The following ANGPT1 variants were observed in gnomAD, a reference collection of about 807,000 sequenced individuals.
The protein encoded by ANGPT1 is angiopoietin 1, also known as angiopoietin-1.
ANGPT1 carries 17 observed loss-of-function variants against 62.2 expected under a neutral mutation model. The observed-to-expected ratio is 0.27, with a 90% CI of 0.19 to 0.41. ANGPT1 has a LOEUF of 0.41. Among genes scored for constraint, ANGPT1 ranks in the 10% least tolerant of loss-of-function variants. The pLI, the probability that ANGPT1 is intolerant of heterozygous loss-of-function variation, is 1.00. For missense variants in ANGPT1, 478 were observed against 594.9 expected (o/e 0.80, Z 2.04); for synonymous variants, 199 against 198.9 (o/e 1.00, Z 0.00).
chr8:107,261,108 A>G (rs55905195), intron 8 of ANGPT1, among the ~76,000 whole-genome samples: 36,355 of 152,104 alleles, frequency 0.24, 4,658 homozygotes, highest in East Asian at 0.32. Flanking sequence ...AGACATGGAG[A>G]AAATAAAGCA....
intron 1 of ANGPT1, among the ~76,000 whole-genome samples, chr8:107,469,338 T>C (rs142941774): frequency 1.8e-3 from 281 of 152,196 alleles, no homozygotes; most frequent in African/African-American, 6.4e-3. Context: ...TTGATTGATA[T>C]TCAGTTCCTC....
chr8:107,411,518 C>G (rs1205876210), intron 1 of ANGPT1, among the ~76,000 whole-genome samples: 1 of 152,002 alleles, frequency 6.6e-6, no homozygotes, highest in Non-Finnish European at 1.5e-5. Context: ...AGATAAAAGA[C>G]TATGTAAAAA....
At chr8:107,346,019 A>T (rs1298394763) in intron 2 of ANGPT1, among the ~76,000 whole-genome samples, 1 of 152,184 alleles carries the variant, frequency 6.6e-6, no homozygotes, top group Non-Finnish European at 1.5e-5. Flanking sequence ...TAGCTAAAAG[A>T]TCTATCTATC....
rs532372475 is a variant in ANGPT1 at position 107,377,973 on chromosome 8, A to C, written c.298-30876T>G. On this transcript the variant is annotated intron_variant, in intron 1 of 8. Coordinates refer to ENST00000517746, the MANE Select transcript of ANGPT1 (RefSeq NM_001146.5). ...AATTGACTCCATTGCACTGGCATAC[A>C]CTGCAGCTTAAGATATCCAAATGAC... Among the ~76,000 whole-genome samples the C allele has an allele frequency of 7.2e-5, 11 of 152,334 alleles. No homozygotes were observed. In the South Asian group the frequency reaches 2.1e-3, roughly 29 times the overall value.
At chr8:107,377,806 G>A (rs192465397) in intron 1 of ANGPT1, among the ~76,000 whole-genome samples, 5 of 152,176 alleles carry the variant, frequency 3.3e-5, no homozygotes, top group Admixed American at 2.0e-4. Flanking sequence ...TGTCAAGAAC[G>A]TAAAAACAGA....
chr8:107,409,458 A>C (rs2130351689), intron 1 of ANGPT1, among the ~76,000 whole-genome samples: 1 of 152,266 alleles, frequency 6.6e-6, no homozygotes, highest in African/African-American at 2.4e-5. Flanking sequence ...CACAGTCCCC[A>C]GGACCCAGGC....
intron 1 of ANGPT1, among the ~76,000 whole-genome samples, chr8:107,458,258 T>C (rs1351825428): frequency 6.6e-6 from 1 of 152,204 alleles, no homozygotes; most frequent in Non-Finnish European, 1.5e-5. Flanking sequence ...ACAATGAGTT[T>C]ATTTATCTTT....
At chr8:107,299,482 A>T (rs1185658105) in intron 5 of ANGPT1, among the ~76,000 whole-genome samples, 1 of 143,632 alleles carries the variant, frequency 7.0e-6, no homozygotes, top group Non-Finnish European at 1.5e-5. Context: ...TACTAAGCAT[A>T]TATATACTAA....
intron 1 of ANGPT1, among the ~76,000 whole-genome samples, chr8:107,378,101 C>G (rs1268028897): frequency 6.6e-6 from 1 of 152,136 alleles, no homozygotes; most frequent in East Asian, 1.9e-4. Flanking sequence ...CTTTTCCATA[C>G]AGCATTTGAA....
chr8:107,308,218 G>A (rs1197265051), intron 4 of ANGPT1, among the ~76,000 whole-genome samples: 2 of 136,016 alleles, frequency 1.5e-5, no homozygotes, highest in African/African-American at 4.9e-5. Context: ...TTCCATGAAC[G>A]CTATACCCAT....
At chr8:107,392,533 T>C (rs1290330646) in intron 1 of ANGPT1, among the ~76,000 whole-genome samples, 1 of 152,194 alleles carries the variant, frequency 6.6e-6, no homozygotes, top group Non-Finnish European at 1.5e-5. Flanking sequence ...TTCTCATCAG[T>C]TTGCAGGCAA....
At chr8:107,351,317 T>C (rs979930077) in intron 1 of ANGPT1, among the ~76,000 whole-genome samples, 2 of 152,110 alleles carry the variant, frequency 1.3e-5, no homozygotes, top group Non-Finnish European at 2.9e-5. Flanking sequence ...ACTTCATCCT[T>C]ATACCAAACT....
chr8:107,486,552 T>C (rs1049456572), intron 1 of ANGPT1, among the ~76,000 whole-genome samples: 1 of 152,176 alleles, frequency 6.6e-6, no homozygotes, highest in African/African-American at 2.4e-5. Context: ...TAAGTAGTAT[T>C]TACGTAACAC....
At chr8:107,438,297 T>G (rs958047120) in intron 1 of ANGPT1, among the ~76,000 whole-genome samples, 3 of 151,586 alleles carry the variant, frequency 2.0e-5, no homozygotes, top group Non-Finnish European at 4.4e-5. Flanking sequence ...GATATCATCA[T>G]CTTCTTCTTC....
At chr8:107,341,340 G>A (rs369610881) in intron 2 of ANGPT1, among the ~76,000 whole-genome samples, 7 of 152,020 alleles carry the variant, frequency 4.6e-5, no homozygotes, top group African/African-American at 4.8e-5. Context: ...AATGCAGAAC[G>A]TGAAATGATT....
chr8:107,359,259 A>G (rs1009013595), intron 1 of ANGPT1, among the ~76,000 whole-genome samples: 2 of 152,136 alleles, frequency 1.3e-5, no homozygotes, highest in Non-Finnish European at 2.9e-5. Context: ...CCTGAGTTCT[A>G]GCTCAGACAC....
rs369633778 is a variant in ANGPT1, at chr8:107,301,871, G to A, written c.936+1369C>T. ...AGAGAGACAGAGGACAGTGGTAAAA[G>A]GGAAAATAGAATTGTATCAGACCTG... On this transcript the variant is annotated intron_variant, in intron 5 of 8. Coordinates refer to ENST00000517746, the MANE Select transcript of ANGPT1 (RefSeq NM_001146.5). Among the ~76,000 whole-genome samples, 280 of 152,050 alleles carry A rather than the reference G, an allele frequency of 1.8e-3. 1 individual carries two copies. Among genetic ancestry groups the A allele is most frequent in the African/African-American group, 6.4e-3 (264 of 41,532 alleles).
At chr8:107,256,776 A>G (rs1813366127) in intron 8 of ANGPT1, among the ~76,000 whole-genome samples, 2 of 152,194 alleles carry the variant, frequency 1.3e-5, no homozygotes, top group Non-Finnish European at 2.9e-5. Flanking sequence ...GATTGAAAAA[A>G]AAGTTACCCT....
intron 1 of ANGPT1, among the ~76,000 whole-genome samples, chr8:107,433,823 T>C (rs919173275): frequency 2.6e-5 from 4 of 152,298 alleles, no homozygotes; most frequent in Admixed American, 1.3e-4. Flanking sequence ...GAACTGGAAG[T>C]GTACATCTCA....
Sources: allele counts gnomAD v4.1 joint callset (sites outside exome capture counted in the v4.1 genomes callset), GRCh38; gene constraint gnomAD v4.1.1; transcripts MANE v1.5; gene names NCBI Gene and HGNC (gene_info 2026-07-23, HGNC 2026-07-21).